The following GLIS3 variants were observed in gnomAD, a reference collection of about 807,000 sequenced individuals.
The protein encoded by GLIS3 is zinc finger protein GLIS3.
Under a neutral mutation model 78.6 loss-of-function variants are expected in GLIS3, and 53 were observed. That is an observed-to-expected ratio of 0.67 (90% CI 0.54 to 0.85). The LOEUF is 0.85. GLIS3 is among the 40% of genes least tolerant of loss of function. The probability of loss-of-function intolerance (pLI) is 0.00; values close to 1 mark genes in which losing one functional copy is unlikely to be tolerated. For synonymous variants in GLIS3, 684 were observed against 509.9 expected (o/e 1.34, Z -4.60); for missense variants, 1,703 against 1,231.1 (o/e 1.38, Z -5.74).
chr9:4,408,587 C>T, the GLIS3 span, among the ~76,000 whole-genome samples: 3 of 148,398 alleles, frequency 2.0e-5, no homozygotes, highest in Non-Finnish European at 4.5e-5. Context: ...ATTAGCCGGG[C>T]GCGGTGGCGG....
At chr9:4,478,591 A>T in the GLIS3 span, among the ~76,000 whole-genome samples, 2 of 149,972 alleles carry the variant, frequency 1.3e-5, no homozygotes, top group African/African-American at 2.5e-5. Context: ...AGCCTGGGCG[A>T]CAGAGATTCC....
chr9:4,232,650 C>T (rs774545564), intron 2 of GLIS3, among the ~76,000 whole-genome samples: 5 of 152,060 alleles, frequency 3.3e-5, no homozygotes, highest in African/African-American at 4.8e-5. Context: ...TAGGCTACTA[C>T]AAAACAAAAG....
At chr9:4,392,613 G>C in the GLIS3 span, among the ~76,000 whole-genome samples, 6 of 152,246 alleles carry the variant, frequency 3.9e-5, no homozygotes, top group South Asian at 1.2e-3. Context: ...TCTGGTCCCA[G>C]ACTTTAATGT....
chr9:4,388,830 C>T, the GLIS3 span, among the ~76,000 whole-genome samples: 2 of 152,016 alleles, frequency 1.3e-5, no homozygotes, highest in Non-Finnish European at 2.9e-5. Flanking sequence ...TAATAATAGC[C>T]AAAAACATTC....
intron 2 of GLIS3, among the ~76,000 whole-genome samples, chr9:4,211,273 G>C (rs1820348724): frequency 2.0e-5 from 3 of 152,112 alleles, no homozygotes. Context: ...GGTCCACTTG[G>C]CTCCACTTTA....
chr9:3,909,382 C>T (rs1042816525), intron 6 of GLIS3, among the ~76,000 whole-genome samples: 19 of 152,218 alleles, frequency 1.2e-4, no homozygotes, highest in Non-Finnish European at 2.6e-4. Context: ...TAATCTCTAA[C>T]AATCTGCTAT....
chr9:4,285,634 A>G (rs1827919191), intron 2 of GLIS3: 1 of 175,322 alleles, frequency 5.7e-6, no homozygotes, highest in Admixed American at 5.8e-5. Context: ...GCACTGGCAT[A>G]AGGACAGTTC....
At chr9:3,894,238 T>A (rs73643617) in intron 7 of GLIS3, among the ~76,000 whole-genome samples, 1,843 of 152,348 alleles carry the variant, frequency 0.012, 37 homozygotes, top group African/African-American at 0.043. Context: ...GCTCTATGTC[T>A]TTTTAAAGAC....
At chr9:4,105,121 T>G (rs1382564909) in intron 4 of GLIS3, among the ~76,000 whole-genome samples, 1 of 152,202 alleles carries the variant, frequency 6.6e-6, no homozygotes, top group Non-Finnish European at 1.5e-5. Context: ...ATGAAGACAA[T>G]TTTATTTCCT....
the GLIS3 span, among the ~76,000 whole-genome samples, chr9:4,397,715 AGGGAGGGAGGGAGGGAGG>A: frequency 1.8e-5 from 1 of 57,022 alleles, no homozygotes; most frequent in Admixed American, 2.7e-4. Flanking sequence ...GAAGGCAGGG[AGGGAGGGAGGGAGGGAGG>A]AAAAGAGGGA....
chr9:4,315,464 T>C (rs1236817336), intron 2 of GLIS3, among the ~76,000 whole-genome samples: 2 of 152,236 alleles, frequency 1.3e-5, no homozygotes, highest in Non-Finnish European at 2.9e-5. Context: ...TTTAAAGTTT[T>C]ATTTTTAAAT....
the GLIS3 span, among the ~76,000 whole-genome samples, chr9:4,479,536 A>G: frequency 2.0e-5 from 3 of 152,180 alleles, no homozygotes; most frequent in South Asian, 6.2e-4. Flanking sequence ...CAGTTCACAG[A>G]GGTTCCCTAG....
chr9:4,351,850 G>GA (rs1313594783), upstream of GLIS3, among the ~76,000 whole-genome samples: 2 of 151,154 alleles, frequency 1.3e-5, no homozygotes, highest in Non-Finnish European at 2.9e-5. Flanking sequence ...CAGAGAAAAT[G>GA]AATGCACAGT....
intron 4 of GLIS3, among the ~76,000 whole-genome samples, chr9:3,988,402 C>T (rs1400862068): frequency 6.6e-6 from 1 of 152,018 alleles, no homozygotes; most frequent in African/African-American, 2.4e-5. Flanking sequence ...AGTTATAATA[C>T]CACTTGATAC....
At chr9:4,351,992 G>C (rs1189681684), upstream of GLIS3, among the ~76,000 whole-genome samples, 2 of 152,102 alleles carry the variant, frequency 1.3e-5, no homozygotes, top group Non-Finnish European at 2.9e-5. Context: ...AGCTGCTCTT[G>C]GTTAAAAAGT....
At chr9:3,880,749 C>G (rs887026946) in intron 7 of GLIS3, among the ~76,000 whole-genome samples, 1 of 152,160 alleles carries the variant, frequency 6.6e-6, no homozygotes, top group African/African-American at 2.4e-5. Flanking sequence ...ACCTAGCCCC[C>G]AAAAGCTTAA....
At chr9:4,270,714 G>A (rs1826420928) in intron 2 of GLIS3, among the ~76,000 whole-genome samples, 1 of 152,216 alleles carries the variant, frequency 6.6e-6, no homozygotes, top group Non-Finnish European at 1.5e-5. Flanking sequence ...CTCCCTGTGT[G>A]ACGATCTCTG....
At chr9:4,151,188 G>C (rs1300380300) in intron 2 of GLIS3, 1 of 152,180 alleles carries the variant, frequency 6.6e-6, no homozygotes, top group African/African-American at 2.4e-5. Context: ...AACGCCACCA[G>C]AGACTTCTCT....
At chr9:4,050,382 G>A (rs1220900537) in intron 4 of GLIS3, among the ~76,000 whole-genome samples, 1 of 152,068 alleles carries the variant, frequency 6.6e-6, no homozygotes, top group Non-Finnish European at 1.5e-5. Context: ...TCACTCACAG[G>A]TGGGAATTGA....
Sources: allele counts gnomAD v4.1 joint callset (sites outside exome capture counted in the v4.1 genomes callset), GRCh38; gene constraint gnomAD v4.1.1; transcripts MANE v1.5; gene names NCBI Gene and HGNC (gene_info 2026-07-23, HGNC 2026-07-21).